DCUN1D4: variants seen among roughly 807,000 people sequenced by gnomAD.
DCUN1D4 encodes DCN1-like protein 4.
A neutral mutation model predicts 47.9 loss-of-function variants in DCUN1D4; 22 were observed. The ratio of observed to expected loss-of-function variants is 0.46; its 90% CI spans 0.33 to 0.66. The LOEUF is 0.66. DCUN1D4 is among the 30% of genes least tolerant of loss of function. The pLI is 0.02. For synonymous variants in DCUN1D4, 121 were observed against 112.2 expected (o/e 1.08, Z -0.50); for missense variants, 301 against 340.8 (o/e 0.88, Z 0.92).
At chr4:51,880,234 G>C (rs1377381160) in intron 5 of DCUN1D4, among the ~76,000 whole-genome samples, 2 of 152,214 alleles carry the variant, frequency 1.3e-5, no homozygotes, top group Non-Finnish European at 1.5e-5. Context: ...GTGACTAACA[G>C]GTTGTGCTGT....
chr4:51,889,147 A>G (rs1278689946), intron 6 of DCUN1D4, among the ~76,000 whole-genome samples: 1 of 152,194 alleles, frequency 6.6e-6, no homozygotes, highest in Non-Finnish European at 1.5e-5. Context: ...CCAAATATTT[A>G]TACTGTATGT....
At chr4:51,838,987 A>G (rs1215032409), upstream of DCUN1D4, among the ~76,000 whole-genome samples, 1 of 152,164 alleles carries the variant, frequency 6.6e-6, no homozygotes, top group Non-Finnish European at 1.5e-5. Context: ...AGGCAGGAGA[A>G]TCACTTGAAC....
intron 6 of DCUN1D4, 139 bp from the exon 7 acceptor site, chr4:51,891,621 C>T: frequency 1.6e-6 from 1 of 626,452 alleles, no homozygotes; most frequent in Non-Finnish European, 2.6e-6. Flanking sequence ...GAAGTTAACT[C>T]TGCTCATATT....
intron 4 of DCUN1D4, 40 bp from the exon 5 acceptor site, chr4:51,877,723 G>A (rs767255632): frequency 3.2e-6 from 4 of 1,265,832 alleles, no homozygotes; most frequent in African/African-American, 3.0e-5. Context: ...AAAGAACTCA[G>A]TATCTTTAAA....
chr4:51,878,983 A>G (rs1313469719), intron 5 of DCUN1D4, among the ~76,000 whole-genome samples: 1 of 152,206 alleles, frequency 6.6e-6, no homozygotes, highest in Middle Eastern at 3.2e-3. Context: ...AACCCAGGCC[A>G]GGCCAGTCAG....
the DCUN1D4 span, among the ~76,000 whole-genome samples, chr4:51,835,358 T>A: frequency 6.6e-6 from 1 of 152,220 alleles, no homozygotes; most frequent in Non-Finnish European, 1.5e-5. Flanking sequence ...TTGGGAAGAT[T>A]AATGACTTAA....
the DCUN1D4 span, among the ~76,000 whole-genome samples, chr4:51,834,371 T>C: frequency 6.6e-6 from 1 of 151,702 alleles, no homozygotes; most frequent in African/African-American, 2.4e-5. Flanking sequence ...GGTGGTAGTT[T>C]GTGCTCCAGT....
chr4:51,877,691 A>C, intron 4 of DCUN1D4, 72 bp from the exon 5 acceptor site: 1 of 926,174 alleles, frequency 1.1e-6, no homozygotes, highest in Non-Finnish European at 1.7e-6. Flanking sequence ...TGGGTAAAAG[A>C]ATATAAATTA....
At chr4:51,853,175 C>T (rs923738411) in intron 1 of DCUN1D4, among the ~76,000 whole-genome samples, 1 of 152,138 alleles carries the variant, frequency 6.6e-6, no homozygotes, top group Non-Finnish European at 1.5e-5. Context: ...ATGCTGCCTC[C>T]CTTGGGCGGA....
intron 1 of DCUN1D4, among the ~76,000 whole-genome samples, chr4:51,853,661 C>T (rs1036681996): frequency 1.3e-5 from 2 of 152,210 alleles, no homozygotes; most frequent in African/African-American, 2.4e-5. Flanking sequence ...TGGTGCCCCA[C>T]ACCCATTTTT....
the DCUN1D4 span, among the ~76,000 whole-genome samples, chr4:51,834,274 G>A: frequency 6.6e-6 from 1 of 151,228 alleles, no homozygotes; most frequent in South Asian, 2.1e-4. Context: ...AATCAAAATA[G>A]GTCCTAAATA....
chr4:51,836,188 T>A, the DCUN1D4 span, among the ~76,000 whole-genome samples: 10 of 152,180 alleles, frequency 6.6e-5, no homozygotes, highest in Admixed American at 2.6e-4. Flanking sequence ...ATGTTTAATC[T>A]AGGAATTCTT....
At chr4:51,897,384 G>T (rs1731429132) in intron 7 of DCUN1D4, among the ~76,000 whole-genome samples, 1 of 152,086 alleles carries the variant, frequency 6.6e-6, no homozygotes, top group Non-Finnish European at 1.5e-5. Flanking sequence ...GCTCTATTAT[G>T]AACCATTTTA....
At chr4:51,879,180 G>A (rs1008891300) in intron 5 of DCUN1D4, among the ~76,000 whole-genome samples, 27 of 152,244 alleles carry the variant, frequency 1.8e-4, no homozygotes, top group African/African-American at 4.6e-4. Context: ...TTTTGTTTGC[G>A]GGGCATGGAC....
upstream of DCUN1D4, among the ~76,000 whole-genome samples, chr4:51,839,820 A>G (rs1721587674): frequency 6.6e-6 from 1 of 152,150 alleles, no homozygotes; most frequent in Admixed American, 6.6e-5. Flanking sequence ...CCTACTCCCA[A>G]TCCCAACACA....
At chr4:51,837,418 A>C in the DCUN1D4 span, among the ~76,000 whole-genome samples, 17 of 152,216 alleles carry the variant, frequency 1.1e-4, no homozygotes, top group African/African-American at 3.9e-4. Context: ...CTGTAATCCC[A>C]GCACTTTGGG....
intron 4 of DCUN1D4, chr4:51,874,821 A>G (rs1396362586): frequency 2.6e-5 from 4 of 153,422 alleles, no homozygotes; most frequent in Non-Finnish European, 4.4e-5. Context: ...TTATTCTCAC[A>G]TGGGTGAGAA....
At chr4:51,843,914 G>C (rs1201273982) in intron 1 of DCUN1D4, among the ~76,000 whole-genome samples, 1 of 149,076 alleles carries the variant, frequency 6.7e-6, no homozygotes, top group East Asian at 2.0e-4. Flanking sequence ...GAGGTGGTGG[G>C]AGGGACTGGG....
At chr4:51,868,911 A>C (rs1296010018) in intron 3 of DCUN1D4, among the ~76,000 whole-genome samples, 1 of 152,110 alleles carries the variant, frequency 6.6e-6, no homozygotes, top group African/African-American at 2.4e-5. Flanking sequence ...CGAGGTCAGG[A>C]GTTCAAGACC....
Sources: allele counts gnomAD v4.1 joint callset (sites outside exome capture counted in the v4.1 genomes callset), GRCh38; gene constraint gnomAD v4.1.1; transcripts MANE v1.5; gene names NCBI Gene and HGNC (gene_info 2026-07-23, HGNC 2026-07-21).